Variants in ITPR1 observed in about 807,000 individuals in gnomAD.
ITPR1 encodes the protein inositol 1,4,5-trisphosphate-gated calcium channel ITPR1.
A neutral mutation model predicts 318.4 loss-of-function variants in ITPR1; 96 were observed. The ratio of observed to expected loss-of-function variants is 0.30; its 90% CI spans 0.26 to 0.36. The LOEUF (loss-of-function observed/expected upper bound fraction) is 0.36, where lower values mean the gene tolerates loss of function less well. ITPR1 is among the 10% of genes least tolerant of loss of function. The probability of loss-of-function intolerance (pLI) is 1.00; values close to 1 mark genes in which losing one functional copy is unlikely to be tolerated. For missense variants in ITPR1, 2,440 were observed against 3,460.2 expected (o/e 0.71, Z 7.40); for synonymous variants, 1,312 against 1,289.9 (o/e 1.02, Z -0.37).
At chr3:4,832,423 G>T (rs1393851973) in intron 60 of ITPR1, among the ~76,000 whole-genome samples, 1 of 152,180 alleles carries the variant, frequency 6.6e-6, no homozygotes, top group Non-Finnish European at 1.5e-5. Context: ...TTTGGGAGGT[G>T]GTGGTTGGAT....
At chr3:4,783,955 G>A (rs2046998548) in intron 51 of ITPR1, 35 bp downstream of exon 51, 2 of 1,458,828 alleles carry the variant, frequency 1.4e-6, no homozygotes, top group Non-Finnish European at 1.9e-6. Context: ...ATGGGGTTGT[G>A]TTGAGGCCAT....
At chr3:4,788,186 G>T (rs565739025) in intron 52 of ITPR1, 47 bp downstream of exon 52, 2 of 1,484,250 alleles carry the variant, frequency 1.3e-6, no homozygotes, top group South Asian at 2.5e-5. Context: ...ACAGTTCTGG[G>T]ATTTCACAAA....
chr3:4,693,581 G>A lies in ITPR1; in HGVS notation c.4121G>A (p.Arg1374Gln), dbSNP rs753284214. The A allele has an allele frequency of 7.4e-6, 12 of 1,613,886 alleles. No individual in the cohort carries two copies. Among genetic ancestry groups the A allele is most frequent in the Non-Finnish European group, 9.3e-6 (11 of 1,179,900 alleles). ...LIQMMRSERDRMDENSPLMYH... is the reference protein window; with the variant it reads ...LIQMMRSERDQMDENSPLMYH... ...CAGATGATGCGGTCAGAACGGGATC[G>A]GATGGATGAGAACAGCCCTCTCATG... The change falls in exon 33 of 62, where the codon CGG becomes CAG. Residue 1374 changes from arginine to glutamine, a missense_variant. Around this residue, in one of 23 missense-constraint regions of ITPR1, gnomAD observed 222 missense variants for 318.8 expected, o/e 0.70. Transcript: ENST00000649015.
At chr3:4,691,779 C>T (rs1201562552) in intron 32 of ITPR1, among the ~76,000 whole-genome samples, 1 of 152,150 alleles carries the variant, frequency 6.6e-6, no homozygotes, top group Admixed American at 6.5e-5. Context: ...AAGGAAAAGC[C>T]TTACTTGGTT....
intron 40 of ITPR1, among the ~76,000 whole-genome samples, chr3:4,717,642 G>T (rs902613732): frequency 1.3e-5 from 2 of 152,144 alleles, no homozygotes; most frequent in African/African-American, 4.8e-5. Flanking sequence ...ACTGCAGTAA[G>T]ATTTTAATTG....
intron 55 of ITPR1, 74 bp from the exon 56 acceptor site, chr3:4,811,191 A>C: frequency 9.2e-7 from 1 of 1,088,026 alleles, no homozygotes; most frequent in Non-Finnish European, 1.3e-6. Context: ...TCTATAAACC[A>C]AGTTTGCATT....
intron 4 of ITPR1, among the ~76,000 whole-genome samples, chr3:4,594,488 T>A (rs1387042995): frequency 6.6e-6 from 1 of 152,298 alleles, no homozygotes; most frequent in East Asian, 1.9e-4. Flanking sequence ...AGGTCTGGTG[T>A]GGCAGCTGCG....
intron 44 of ITPR1, chr3:4,749,768 T>A (rs1260796488): frequency 6.6e-6 from 1 of 152,616 alleles, no homozygotes; most frequent in African/African-American, 2.4e-5. Flanking sequence ...CATCAACAGG[T>A]TAGACAGGAA....
intron 36 of ITPR1, among the ~76,000 whole-genome samples, chr3:4,703,487 C>T (rs1290729650): frequency 6.6e-6 from 1 of 152,106 alleles, no homozygotes; most frequent in African/African-American, 2.4e-5. Context: ...ATTTCTTTTT[C>T]CTTCATCCTG....
chr3:4,814,272 G>C (rs1171714817), intron 57 of ITPR1, 151 bp from the exon 58 acceptor site: 1 of 865,318 alleles, frequency 1.2e-6, no homozygotes, highest in African/African-American at 1.7e-5. Flanking sequence ...TTTAGCTTTT[G>C]AAAGAAAATA....
chr3:4,835,058 G>C (rs1447867844), intron 60 of ITPR1, among the ~76,000 whole-genome samples: 1 of 152,130 alleles, frequency 6.6e-6, no homozygotes, highest in East Asian at 1.9e-4. Context: ...GCTCTAGTCA[G>C]TATACTAAGG....
chr3:4,554,986 C>T (rs952099613), intron 4 of ITPR1, among the ~76,000 whole-genome samples: 2 of 152,096 alleles, frequency 1.3e-5, no homozygotes, highest in Non-Finnish European at 2.9e-5. Flanking sequence ...AGAAAGATTT[C>T]GTTACTGAGA....
rs73009443 is a variant in ITPR1, at chr3:4,598,183, G to A, written c.164-29580G>A. ...TCCCCTCTCCCCTGGTTGAAAGGAA[G>A]CAAATCCTCCTCTGTGACCTGTCAT... On this transcript the variant is annotated intron_variant, in intron 4 of 61. Transcript: ENST00000649015. Among the ~76,000 whole-genome samples the A allele has an allele frequency of 8.6e-3, 1,314 of 152,314 alleles. 7 individuals carry two copies. The highest frequency in any genetic ancestry group is 0.034 in the Middle Eastern group (10 of 294).
chr3:4,627,400 G>T (rs868613901), intron 4 of ITPR1, among the ~76,000 whole-genome samples: 5 of 152,258 alleles, frequency 3.3e-5, no homozygotes, highest in Middle Eastern at 3.4e-3. Context: ...GGAGGCGGAG[G>T]TCGCAGTGAG....
chr3:4,658,072 A>G (rs2093753023), intron 12 of ITPR1, 52 bp from the exon 13 acceptor site: 2 of 1,516,366 alleles, frequency 1.3e-6, no homozygotes, highest in Non-Finnish European at 1.8e-6. Context: ...AATTGTAGAA[A>G]GTGAAGGCTT....
intron 44 of ITPR1, among the ~76,000 whole-genome samples, chr3:4,738,339 C>T (rs1575075614): frequency 6.6e-6 from 1 of 152,170 alleles, no homozygotes; most frequent in African/African-American, 2.4e-5. Context: ...GACTCTGAAC[C>T]TTGCTGGGAC....
chr3:4,560,818 A>T (rs1258604930), intron 4 of ITPR1, among the ~76,000 whole-genome samples: 1 of 152,176 alleles, frequency 6.6e-6, no homozygotes, highest in African/African-American at 2.4e-5. Context: ...TTATAACGTA[A>T]CTGAGTGGTT....
intron 2 of ITPR1, among the ~76,000 whole-genome samples, chr3:4,503,808 A>T (rs1249433809): frequency 6.6e-6 from 1 of 152,034 alleles, no homozygotes; most frequent in Non-Finnish European, 1.5e-5. Context: ...CTCTCTGAGG[A>T]TATTGACCTA....
intron 17 of ITPR1, 22 bp from the exon 18 acceptor site, chr3:4,667,355 T>A: frequency 2.5e-6 from 4 of 1,571,152 alleles, no homozygotes; most frequent in Non-Finnish European, 3.5e-6. Context: ...CCTACTGACG[T>A]CTCTTTTCTC....
Sources: allele counts gnomAD v4.1 joint callset (sites outside exome capture counted in the v4.1 genomes callset), GRCh38; gene constraint gnomAD v4.1.1; regional missense constraint gnomAD v4.1.1; transcripts MANE v1.5; gene names NCBI Gene and HGNC (gene_info 2026-07-23, HGNC 2026-07-21).